Variants in NFIA observed in about 807,000 individuals in gnomAD.
NFIA encodes nuclear factor I A, also known as nuclear factor 1 A-type.
In NFIA, 8 loss-of-function variants were observed where a neutral mutation model predicts 62.8. The observed-to-expected ratio is 0.13, with a 90% CI of 0.07 to 0.23. The LOEUF is 0.23. NFIA is among the 10% of genes least tolerant of loss of function. NFIA has a pLI of 1.00. For missense variants in NFIA, 410 were observed against 642.1 expected, an observed-to-expected ratio of 0.64 and a Z score of 3.91; for synonymous variants, 235 against 238.1, an observed-to-expected ratio of 0.99 and a Z score of 0.12.
At position 61,433,316 on chromosome 1, in the gene NFIA, T is replaced by C. The variant is rs574446579; in HGVS notation, c.1512+6760T>C. Among the ~76,000 whole-genome samples the C allele has an allele frequency of 1.4e-4, 22 of 152,312 alleles. No individual in the cohort carries two copies. In the South Asian group the frequency reaches 3.7e-3, roughly 26 times the overall value. On this transcript the variant is annotated intron_variant, in intron 10 of 10. Coordinates refer to ENST00000403491, the MANE Select transcript of NFIA (RefSeq NM_001134673.4). ...TTTACTAATGATATTAGTCTGCATC[T>C]GTGGGAACAGCTAGCCTTTGTCCAG...
At chr1:61,116,367 T>C (rs982551678) in intron 2 of NFIA, among the ~76,000 whole-genome samples, 6 of 152,218 alleles carry the variant, frequency 3.9e-5, no homozygotes, top group African/African-American at 1.4e-4. Context: ...GCAGAAAACA[T>C]GGGCATAGAA....
intron 2 of NFIA, among the ~76,000 whole-genome samples, chr1:61,176,690 AACT>A (rs1403019482): frequency 6.6e-6 from 1 of 152,210 alleles, no homozygotes; most frequent in Non-Finnish European, 1.5e-5. Context: ...CTACTTGAAG[AACT>A]ACTATAAAAT....
intron 2 of NFIA, among the ~76,000 whole-genome samples, chr1:61,131,985 G>A (rs150224078): frequency 1.0e-3 from 158 of 152,164 alleles, no homozygotes; most frequent in African/African-American, 3.7e-3. Context: ...TCCTACTCCT[G>A]GCTTTACTGG....
At chr1:61,142,740 G>A (rs1647627448) in intron 2 of NFIA, among the ~76,000 whole-genome samples, 1 of 152,140 alleles carries the variant, frequency 6.6e-6, no homozygotes, top group Admixed American at 6.5e-5. Flanking sequence ...GGGAGGGAGG[G>A]GCACTTTACA....
intron 2 of NFIA, among the ~76,000 whole-genome samples, chr1:61,149,277 A>G (rs1648234814): frequency 6.6e-6 from 1 of 152,152 alleles, no homozygotes; most frequent in Non-Finnish European, 1.5e-5. Context: ...GGATGAAAAA[A>G]ATAAATGAAC....
At chr1:61,346,791 T>G (rs979320382) in intron 4 of NFIA, among the ~76,000 whole-genome samples, 2 of 152,170 alleles carry the variant, frequency 1.3e-5, no homozygotes, top group African/African-American at 4.8e-5. Context: ...ACTGGGTGAT[T>G]TGTAAAGAAA....
At chr1:61,308,185 A>G (rs912505125) in intron 3 of NFIA, among the ~76,000 whole-genome samples, 1 of 152,234 alleles carries the variant, frequency 6.6e-6, no homozygotes, top group African/African-American at 2.4e-5. Flanking sequence ...TTATCTCTGT[A>G]TGAATGTTGC....
intron 2 of NFIA, among the ~76,000 whole-genome samples, chr1:61,091,552 A>T (rs894276540): frequency 6.6e-6 from 1 of 152,192 alleles, no homozygotes; most frequent in Non-Finnish European, 1.5e-5. Flanking sequence ...AAACCATTTT[A>T]TGCCCTTAAT....
Position 61,350,555 on chromosome 1 carries a change from G to A in NFIA, c.701-1895G>A, listed in dbSNP as rs962457983. Among the ~76,000 whole-genome samples, 5 of 152,138 alleles carry A rather than the reference G, an allele frequency of 3.3e-5. No homozygotes were observed. The South Asian group carries it at 6.2e-4, about 19-fold the overall frequency. The stretch of plus-strand genomic sequence containing the variant: ...GGAGGCTGAGGCGGGAAGATTGCTT[G>A]AGCGCAGGAGCTGGAGGCTACAGTA... On this transcript the variant is annotated intron_variant, in intron 4 of 10. Coordinates refer to ENST00000403491, the MANE Select transcript of NFIA (RefSeq NM_001134673.4).
chr1:61,397,905 A>G (rs1318870939), intron 7 of NFIA, among the ~76,000 whole-genome samples: 1 of 152,180 alleles, frequency 6.6e-6, no homozygotes, highest in Non-Finnish European at 1.5e-5. Flanking sequence ...ACAGACAATC[A>G]AAAGTCTACC....
chr1:61,083,120 G>A (rs1212646464), intron 1 of NFIA, among the ~76,000 whole-genome samples: 1 of 152,196 alleles, frequency 6.6e-6, no homozygotes, highest in Non-Finnish European at 1.5e-5. Flanking sequence ...TCGGGGCGAC[G>A]GACTGCGGAA....
Position 61,088,811 on chromosome 1 carries a change from A to G in NFIA, c.559+131A>G. On this transcript the variant is annotated intron_variant, in intron 2 of 10. Transcript: ENST00000403491. The surrounding 1 kb of genome is among the most constrained non-coding windows in gnomAD (Gnocchi z 4.5). ...CGTACATGAAGCCAGTGTGGTTTCAAAGATTGAGAGAGGTGCCACCTTCAT... is the reference window on the plus strand; with the variant it reads ...CGTACATGAAGCCAGTGTGGTTTCAGAGATTGAGAGAGGTGCCACCTTCAT... The G allele has an allele frequency of 9.3e-7, 1 of 1,072,806 alleles. No individual in the cohort carries two copies. Among genetic ancestry groups the G allele is most frequent in the East Asian group, 2.4e-5 (1 of 41,822 alleles). 66.5% of individuals were successfully genotyped at this position (1,072,806 alleles called of 1,614,324 possible).
intron 2 of NFIA, among the ~76,000 whole-genome samples, chr1:61,249,768 A>G (rs1655903653): frequency 6.6e-6 from 1 of 152,182 alleles, no homozygotes; most frequent in African/African-American, 2.4e-5. Flanking sequence ...AGCCAAGATC[A>G]TGCCACAGCA....
intron 2 of NFIA, among the ~76,000 whole-genome samples, chr1:61,234,466 A>G (rs1654868756): frequency 6.6e-6 from 1 of 151,648 alleles, no homozygotes; most frequent in South Asian, 2.1e-4. Context: ...ATGCGGGTAT[A>G]CGTCTGCCTC....
intron 2 of NFIA, among the ~76,000 whole-genome samples, chr1:61,113,660 T>A (rs1277924979): frequency 6.6e-6 from 1 of 150,700 alleles, no homozygotes; most frequent in African/African-American, 2.4e-5. Flanking sequence ...TTATGCTGAA[T>A]TGAGACCATT....
At chr1:61,144,761 C>G (rs779695636) in intron 2 of NFIA, among the ~76,000 whole-genome samples, 15 of 152,190 alleles carry the variant, frequency 9.9e-5, no homozygotes, top group Admixed American at 4.6e-4. Context: ...CCTGGCCTGG[C>G]ACAGGGTACA....
chr1:61,383,123 A>T (rs1442814920), intron 6 of NFIA, 114 bp from the exon 7 acceptor site: 1 of 1,317,532 alleles, frequency 7.6e-7, no homozygotes, highest in Non-Finnish European at 1.1e-6. Flanking sequence ...TTTTTCATTC[A>T]CAGGTGGATT....
intron 2 of NFIA, among the ~76,000 whole-genome samples, chr1:61,224,005 G>C (rs1328870931): frequency 6.6e-6 from 1 of 152,034 alleles, no homozygotes; most frequent in African/African-American, 2.4e-5. Context: ...GCTTGTGTTA[G>C]AGTTGGGTTT....
intron 2 of NFIA, among the ~76,000 whole-genome samples, chr1:61,198,125 C>T (rs559376869): frequency 6.6e-6 from 1 of 152,130 alleles, no homozygotes; most frequent in Admixed American, 6.5e-5. Context: ...TTCATTAACC[C>T]ATTTTAAGAC....
Sources: gnomAD v4.1 joint callset for allele counts (sites outside exome capture counted in the v4.1 genomes callset) on GRCh38, gnomAD v4.1.1 for gene constraint, Gnocchi (gnomAD v3.1) non-coding constraint, MANE v1.5 for transcripts, NCBI Gene and HGNC (gene_info 2026-07-23, HGNC 2026-07-21) for gene names.